The following KCNAB1 variants were observed in gnomAD, a reference collection of about 807,000 sequenced individuals.
KCNAB1 encodes voltage-gated potassium channel subunit beta-1.
Under a neutral mutation model 64.6 loss-of-function variants are expected in KCNAB1, and 35 were observed. That is an observed-to-expected ratio of 0.54 (90% CI 0.41 to 0.72). The LOEUF (loss-of-function observed/expected upper bound fraction) is 0.72. KCNAB1 is among the 30% of genes least tolerant of loss of function. The pLI is 0.00. For synonymous variants in KCNAB1, 177 were observed against 183.8 expected, an observed-to-expected ratio of 0.96 and a Z score of 0.30; for missense variants, 401 against 512.9, an observed-to-expected ratio of 0.78 and a Z score of 2.11.
intron 1 of KCNAB1, among the ~76,000 whole-genome samples, chr3:156,196,404 T>C (rs75375292): frequency 6.6e-6 from 1 of 152,212 alleles, no homozygotes; most frequent in African/African-American, 2.4e-5. Context: ...TTGGGCAGTT[T>C]GGCCGTTTTC....
At chr3:156,462,319 A>G (rs1016694023) in intron 5 of KCNAB1, among the ~76,000 whole-genome samples, 10 of 152,222 alleles carry the variant, frequency 6.6e-5, no homozygotes, top group African/African-American at 2.4e-4. Context: ...GTTTGTATAG[A>G]ATATGCAGCT....
intron 8 of KCNAB1, among the ~76,000 whole-genome samples, chr3:156,510,457 C>T (rs978647741): frequency 1.3e-5 from 2 of 152,130 alleles, no homozygotes; most frequent in African/African-American, 2.4e-5. Context: ...TTCCCAGCCC[C>T]GAGGCCATTT....
At chr3:156,378,177 A>C (rs114149324) in intron 1 of KCNAB1, among the ~76,000 whole-genome samples, 1 of 152,286 alleles carries the variant, frequency 6.6e-6, no homozygotes, top group African/African-American at 2.4e-5. Flanking sequence ...CGAGAAACTC[A>C]GCTCTTCATC....
chr3:156,521,959 T>A (rs1421386106), intron 11 of KCNAB1, among the ~76,000 whole-genome samples: 1 of 38,794 alleles, frequency 2.6e-5, no homozygotes, highest in African/African-American at 5.1e-5. Flanking sequence ...TCTTTTTAAT[T>A]TTTTTTTTAC....
intron 1 of KCNAB1, among the ~76,000 whole-genome samples, chr3:156,178,593 T>C (rs1446763300): frequency 1.3e-5 from 2 of 152,262 alleles, no homozygotes; most frequent in Non-Finnish European, 1.5e-5. Flanking sequence ...ATTTATCTAT[T>C]CAACCTTGAA....
chr3:156,145,182 T>G (rs1714967407), intron 1 of KCNAB1, among the ~76,000 whole-genome samples: 1 of 152,188 alleles, frequency 6.6e-6, no homozygotes, highest in Non-Finnish European at 1.5e-5. Context: ...CACACCCTAG[T>G]AAGAAATGGG....
intron 1 of KCNAB1, chr3:156,176,866 G>T: frequency 8.8e-7 from 1 of 1,132,266 alleles, no homozygotes; most frequent in Non-Finnish European, 1.3e-6. Flanking sequence ...CGCTTGACTG[G>T]GACCAGCGGT....
intron 1 of KCNAB1, chr3:156,143,571 T>TTTTTTG: frequency 4.2e-4 from 18 of 43,218 alleles, no homozygotes; most frequent in Non-Finnish European, 5.0e-4. Flanking sequence ...GCATTCTTGT[T>TTTTTTG]TTTTTTTTTT....
intron 1 of KCNAB1, among the ~76,000 whole-genome samples, chr3:156,124,210 C>T (rs557262045): frequency 6.0e-5 from 9 of 148,956 alleles, no homozygotes; most frequent in Non-Finnish European, 8.9e-5. Context: ...GGATCTATTT[C>T]TTTTCTTTTT....
chr3:156,289,631 T>G (rs780897261), intron 1 of KCNAB1, among the ~76,000 whole-genome samples: 4 of 152,202 alleles, frequency 2.6e-5, no homozygotes, highest in African/African-American at 4.8e-5. Flanking sequence ...ATTCTAAAAT[T>G]ACTTCTCAAT....
At chr3:156,399,364 GT>G (rs1339576116) in intron 1 of KCNAB1, among the ~76,000 whole-genome samples, 1 of 152,202 alleles carries the variant, frequency 6.6e-6, no homozygotes, top group Non-Finnish European at 1.5e-5. Context: ...GTTGGGTGGG[GT>G]ATGTGTGACA....
intron 1 of KCNAB1, among the ~76,000 whole-genome samples, chr3:156,395,499 C>T (rs1713370042): frequency 2.3e-5 from 3 of 130,154 alleles, no homozygotes; most frequent in South Asian, 2.5e-4. Flanking sequence ...GAGCCGAGAT[C>T]CCGCCACTGC....
At chr3:156,495,393 G>A (rs555993408) in intron 8 of KCNAB1, among the ~76,000 whole-genome samples, 3 of 152,218 alleles carry the variant, frequency 2.0e-5, no homozygotes, top group East Asian at 1.9e-4. Flanking sequence ...GTATCCAAAG[G>A]AATATAAATC....
chr3:156,444,784 T>C (rs1266937254), intron 2 of KCNAB1, among the ~76,000 whole-genome samples: 3 of 152,194 alleles, frequency 2.0e-5, no homozygotes, highest in Non-Finnish European at 4.4e-5. Flanking sequence ...ATAAAGAAGG[T>C]TAAGGTAACT....
chr3:156,408,970 A>T (rs1193366697), intron 1 of KCNAB1, among the ~76,000 whole-genome samples: 1 of 152,212 alleles, frequency 6.6e-6, no homozygotes, highest in Non-Finnish European at 1.5e-5. Context: ...AGTAGATACA[A>T]AGCTTTACTC....
chr3:156,506,449 T>G (rs1477694976), intron 8 of KCNAB1, among the ~76,000 whole-genome samples: 1 of 151,790 alleles, frequency 6.6e-6, no homozygotes, highest in Non-Finnish European at 1.5e-5. Context: ...TGAAATCATA[T>G]TTGGGCAATA....
intron 1 of KCNAB1, among the ~76,000 whole-genome samples, chr3:156,392,547 C>T (rs73019910): frequency 0.014 from 2,190 of 152,264 alleles, 56 homozygotes; most frequent in African/African-American, 0.049. Flanking sequence ...TAATAATAGC[C>T]TTCTTTTTCT....
At chr3:156,351,898 C>T (rs182821641) in intron 1 of KCNAB1, among the ~76,000 whole-genome samples, 73 of 152,300 alleles carry the variant, frequency 4.8e-4, no homozygotes, top group Middle Eastern at 3.4e-3. Flanking sequence ...CCCTTGCTCC[C>T]GCTTGGCTTT....
intron 7 of KCNAB1, among the ~76,000 whole-genome samples, chr3:156,466,350 C>T (rs1020372710): frequency 2.6e-5 from 4 of 151,996 alleles, no homozygotes; most frequent in African/African-American, 9.7e-5. Flanking sequence ...TATGGATAGC[C>T]ACATTTTGTT....
Sources: gnomAD v4.1 joint callset for allele counts (sites outside exome capture counted in the v4.1 genomes callset) on GRCh38, gnomAD v4.1.1 for gene constraint, MANE v1.5 for transcripts, NCBI Gene and HGNC (gene_info 2026-07-23, HGNC 2026-07-21) for gene names.